The following CCDC192 variants were observed in gnomAD, a reference collection of about 807,000 sequenced individuals.
CCDC192 encodes coiled-coil domain-containing protein 192.
At chr5:127,821,445 C>T (rs199982072) in intron 5 of CCDC192, among the ~76,000 whole-genome samples, 353 of 152,340 alleles carry the variant, frequency 2.3e-3, no homozygotes, top group African/African-American at 7.9e-3. Flanking sequence ...CTGCCTTGAT[C>T]CAAAGTTGAC....
chr5:127,752,996 A>G (rs940190426), intron 2 of CCDC192, among the ~76,000 whole-genome samples: 6 of 152,110 alleles, frequency 3.9e-5, no homozygotes, highest in African/African-American at 1.2e-4. Flanking sequence ...GCACCCACTG[A>G]CCTGCGCCCA....
intron 6 of CCDC192, among the ~76,000 whole-genome samples, chr5:127,885,103 T>TTTTG (rs1009285819): frequency 9.2e-6 from 1 of 108,540 alleles, no homozygotes; most frequent in Non-Finnish European, 1.9e-5. Flanking sequence ...GAATGGTACT[T>TTTTG]TTTGTTTGTT....
At chr5:127,887,982 C>A (rs147150464) in intron 6 of CCDC192, among the ~76,000 whole-genome samples, 2,556 of 152,160 alleles carry the variant, frequency 0.017, 33 homozygotes, top group Non-Finnish European at 0.027. Flanking sequence ...GGATTACAGG[C>A]ACGAGCCAGC....
In CCDC192 at chr5:127,752,642, C is replaced by T. The variant is rs530719799; in HGVS notation, c.115-1626C>T. On this transcript the variant is annotated intron_variant, in intron 2 of 6. Transcript: ENST00000514853. Reference sequence around the variant, plus strand: ...TCCTTGAGCTGTGGTGGGCTCCACCCAGTTAGAGCTTCCGGGCTGCTTTGT... The same window carrying T: ...TCCTTGAGCTGTGGTGGGCTCCACCTAGTTAGAGCTTCCGGGCTGCTTTGT... 2.4e-4 allele frequency among the ~76,000 whole-genome samples: 36 copies of T among 152,354 alleles called. No individual in the cohort carries two copies. The South Asian group carries it at 7.0e-3, about 30-fold the overall frequency.
At chr5:127,877,355 AT>A (rs35696200) in intron 6 of CCDC192, among the ~76,000 whole-genome samples, 28 of 32,194 alleles carry the variant, frequency 8.7e-4, no homozygotes, top group East Asian at 3.9e-3. Context: ...ATTTTTGTGG[AT>A]TTTTTTTTTA....
intron 2 of CCDC192, among the ~76,000 whole-genome samples, chr5:127,750,481 G>A (rs1754081586): frequency 6.6e-6 from 1 of 151,898 alleles, no homozygotes; most frequent in Non-Finnish European, 1.5e-5. Context: ...CTGAGAGATA[G>A]TTTGTTATAA....
At chr5:127,749,898 C>T (rs988860544) in intron 2 of CCDC192, among the ~76,000 whole-genome samples, 3 of 152,124 alleles carry the variant, frequency 2.0e-5, no homozygotes, top group East Asian at 1.9e-4. Flanking sequence ...AGTTTATTTG[C>T]GTAGAGGTGT....
intron 6 of CCDC192, among the ~76,000 whole-genome samples, chr5:127,921,040 G>T (rs1753698399): frequency 6.8e-6 from 1 of 148,036 alleles, no homozygotes; most frequent in East Asian, 2.0e-4. Flanking sequence ...CTGTTGGAAA[G>T]GAAAGGAGGA....
At chr5:127,738,956 G>A (rs1449843685) in intron 2 of CCDC192, among the ~76,000 whole-genome samples, 3 of 151,822 alleles carry the variant, frequency 2.0e-5, no homozygotes, top group Non-Finnish European at 4.4e-5. Flanking sequence ...ATCCAGCTTT[G>A]TTCCGTTGCT....
At chr5:127,726,629 C>T (rs1286904491) in intron 2 of CCDC192, among the ~76,000 whole-genome samples, 1 of 152,232 alleles carries the variant, frequency 6.6e-6, no homozygotes, top group African/African-American at 2.4e-5. Context: ...CCCCACAGCA[C>T]AGCACAGTGG....
At chr5:127,858,085 G>A (rs1236743371) in intron 5 of CCDC192, among the ~76,000 whole-genome samples, 1 of 152,182 alleles carries the variant, frequency 6.6e-6, no homozygotes, top group African/African-American at 2.4e-5. Context: ...TCGTGTAAAT[G>A]AGTTAATATA....
intron 6 of CCDC192, among the ~76,000 whole-genome samples, chr5:127,885,484 A>C (rs2127149761): frequency 6.6e-6 from 1 of 152,346 alleles, no homozygotes; most frequent in Admixed American, 6.5e-5. Flanking sequence ...TCCCTGGTAT[A>C]AACCACTTGT....
intron 6 of CCDC192, among the ~76,000 whole-genome samples, chr5:127,906,009 T>C (rs1308151156): frequency 1.3e-5 from 2 of 152,234 alleles, no homozygotes; most frequent in Non-Finnish European, 2.9e-5. Context: ...TTATAACTGT[T>C]TTTTTATTGT....
At chr5:127,876,921 A>G (rs1464681480) in intron 6 of CCDC192, among the ~76,000 whole-genome samples, 1 of 152,210 alleles carries the variant, frequency 6.6e-6, no homozygotes, top group Admixed American at 6.5e-5. Flanking sequence ...AACAACATAA[A>G]GGCAGTTTGT....
chr5:127,867,399 A>C (rs575524664), intron 5 of CCDC192, among the ~76,000 whole-genome samples: 54 of 152,352 alleles, frequency 3.5e-4, no homozygotes, highest in South Asian at 1.0e-3. Flanking sequence ...ACTTTCACTA[A>C]GCAGGTATGG....
At chr5:127,764,083 G>C (rs2126894695) in intron 3 of CCDC192, among the ~76,000 whole-genome samples, 1 of 152,270 alleles carries the variant, frequency 6.6e-6, no homozygotes, top group Non-Finnish European at 1.5e-5. Flanking sequence ...GAGGTCCTAA[G>C]CCAAATTAGA....
At chr5:127,719,482 T>TATATATACACACACATAC (rs1751844525) in intron 2 of CCDC192, among the ~76,000 whole-genome samples, 2 of 123,566 alleles carry the variant, frequency 1.6e-5, no homozygotes, top group African/African-American at 6.7e-5. Context: ...CATACATATA[T>TATATATACACACACATAC]ATATATATAT....
chr5:127,872,133 C>A (rs1368799667), intron 5 of CCDC192, among the ~76,000 whole-genome samples: 3 of 151,806 alleles, frequency 2.0e-5, no homozygotes, highest in African/African-American at 4.8e-5. Flanking sequence ...GAATTAATAG[C>A]AAAGAGCAGT....
chr5:127,922,875 G>T (rs529238979), intron 6 of CCDC192, among the ~76,000 whole-genome samples: 4 of 152,310 alleles, frequency 2.6e-5, no homozygotes, highest in Middle Eastern at 3.4e-3. Context: ...GTTGAAGCTA[G>T]CAGGAAAGAC....
Sources: allele counts gnomAD v4.1 joint callset (sites outside exome capture counted in the v4.1 genomes callset), GRCh38; gene constraint gnomAD v4.1.1; transcripts MANE v1.5; gene names NCBI Gene and HGNC (gene_info 2026-07-23, HGNC 2026-07-21).